Variants in KCNJ2 observed in about 807,000 individuals in gnomAD.
The protein encoded by KCNJ2 is inward rectifier potassium channel 2.
In KCNJ2, 12 loss-of-function variants were observed where a neutral mutation model predicts 28.4. That is an observed-to-expected ratio of 0.42 (90% CI 0.27 to 0.68). The LOEUF (loss-of-function observed/expected upper bound fraction) is 0.68, where lower values mean the gene tolerates loss of function less well. Among genes scored for constraint, KCNJ2 ranks in the 30% least tolerant of loss-of-function variants. The probability of loss-of-function intolerance (pLI) is 0.23; values close to 1 mark genes in which losing one functional copy is unlikely to be tolerated. For missense variants in KCNJ2, 320 were observed against 551.3 expected, an observed-to-expected ratio of 0.58 and a Z score of 4.20; for synonymous variants, 200 against 203.2, an observed-to-expected ratio of 0.98 and a Z score of 0.13.
rs1006599482 is a variant in KCNJ2, at chr17:70,176,809, T to C, written c.*486T>C. ...GTTGAATTTTATTGAAAGCTCATGA[T>C]GCGCTTCAAAGTGGCAAGTATTTGG... On this transcript the variant is annotated 3_prime_UTR_variant, in exon 2 of 2. Coordinates refer to ENST00000243457, the MANE Select transcript of KCNJ2 (RefSeq NM_000891.3). 1.1e-5 allele frequency: 2 copies of C among 187,854 alleles called. No individual in the cohort carries two copies. The highest frequency in any genetic ancestry group is 4.8e-5 in the African/African-American group (2 of 41,656). The allele number at this position is 187,854 out of a possible 1,614,324, so 11.6% of individuals were successfully genotyped here. A position where few individuals can be genotyped will look rare whatever the true frequency, so the allele number is the denominator to read the frequency against.
rs972207222 is a variant in KCNJ2 at position 70,178,351 on chromosome 17, T to G, written c.*2028T>G. The G allele has an allele frequency of 6.0e-6, 1 of 167,040 alleles. No individual in the cohort carries two copies. The highest frequency in any genetic ancestry group is 2.4e-5 in the African/African-American group (1 of 41,432). 10.3% of individuals were successfully genotyped at this position (167,040 alleles called of 1,614,324 possible). Reference sequence around the variant, plus strand: ...AGAGATGTTAAGCAAGTGGTTGTTTTAGATCCAAATGTAAAGGCAGGTTTG... The same window carrying G: ...AGAGATGTTAAGCAAGTGGTTGTTTGAGATCCAAATGTAAAGGCAGGTTTG... On this transcript the variant is annotated 3_prime_UTR_variant, in exon 2 of 2. Transcript: ENST00000243457.
chr17:70,174,722 T>C (rs2074381956), intron 1 of KCNJ2, 102 bp from the exon 2 acceptor site: 1 of 395,806 alleles, frequency 2.5e-6, no homozygotes, highest in Non-Finnish European at 4.8e-6. Context: ...ATTATACTTA[T>C]CTTTACCTGA....
rs1204119107 is a variant in KCNJ2, at chr17:70,177,818, A to C, written c.*1495A>C. The C allele has an allele frequency of 1.2e-5, 2 of 167,084 alleles. No individual in the cohort carries two copies. The highest frequency in any genetic ancestry group is 2.9e-5 in the Non-Finnish European group (2 of 68,124). 10.4% of individuals were successfully genotyped at this position (167,084 alleles called of 1,614,324 possible). A position where few individuals can be genotyped will look rare whatever the true frequency, so the allele number is the denominator to read the frequency against. On this transcript the variant is annotated 3_prime_UTR_variant, in exon 2 of 2. Coordinates refer to ENST00000243457, the MANE Select transcript of KCNJ2 (RefSeq NM_000891.3). Reference sequence around the variant, plus strand: ...AGCCATAAAAATATAACATAATCACAAGTAAAGGAGATAATGGTCTAAAAC... The same window carrying C: ...AGCCATAAAAATATAACATAATCACCAGTAAAGGAGATAATGGTCTAAAAC...
rs1598212099 is a variant in KCNJ2, at chr17:70,177,205, G to A, written c.*882G>A. 6.0e-6 allele frequency: 1 copy of A among 166,936 alleles called. No homozygotes were observed. The highest frequency in any genetic ancestry group is 2.4e-5 in the African/African-American group (1 of 41,396). The allele number at this position is 166,936 out of a possible 1,614,324, so 10.3% of individuals were successfully genotyped here. A position where few individuals can be genotyped will look rare whatever the true frequency, so the allele number is the denominator to read the frequency against. On this transcript the variant is annotated 3_prime_UTR_variant, in exon 2 of 2. Coordinates refer to ENST00000243457, the MANE Select transcript of KCNJ2 (RefSeq NM_000891.3). ...GAAAATAGAGCATCATACTCACCGA[G>A]TCTAGTCAGTGTAGTGCTTTTAAAA... is the stretch of plus-strand genomic sequence containing the variant.
intron 1 of KCNJ2, among the ~76,000 whole-genome samples, chr17:70,170,738 C>T (rs188463935): frequency 9.9e-4 from 150 of 152,262 alleles, no homozygotes; most frequent in Non-Finnish European, 8.8e-5. Context: ...CACTTGTTAG[C>T]GTTTTCCTGC....
rs2074393488 is a variant in KCNJ2, at chr17:70,176,370, T to C, written c.*47T>C. On this transcript the variant is annotated 3_prime_UTR_variant, in exon 2 of 2. Transcript: ENST00000243457. ...ATAGTTACTTTACAACACGGTCTGT[T>C]GGTCAGAGGCCCAAAACAGTTATAC... is the stretch of plus-strand genomic sequence containing the variant. 2 of 1,565,878 alleles carry C rather than the reference T, an allele frequency of 1.3e-6. No homozygotes were observed. The highest frequency in any genetic ancestry group is 1.1e-5 in the South Asian group (1 of 90,104).
At chr17:70,173,341 A>G (rs1481272388) in intron 1 of KCNJ2, among the ~76,000 whole-genome samples, 1 of 152,174 alleles carries the variant, frequency 6.6e-6, no homozygotes, top group African/African-American at 2.4e-5. Context: ...GAGAAGGAAA[A>G]AGTGGAGTCT....
Position 70,173,420 on chromosome 17 carries a change from A to G in KCNJ2, c.-216-1404A>G, listed in dbSNP as rs570355095. ...ATTCATTGCCCCCCTTTAATATAGC[A>G]GAAGGATTTGGTTGTATGAAAAGTT... On this transcript the variant is annotated intron_variant, in intron 1 of 1. Transcript: ENST00000243457. 3.3e-5 allele frequency among the ~76,000 whole-genome samples: 5 copies of G among 152,286 alleles called. No homozygotes were observed. The East Asian group carries it at 9.7e-4, about 29-fold the overall frequency.
In KCNJ2 at chr17:70,172,599, T is replaced by C. The variant is rs531491180; in HGVS notation, c.-216-2225T>C. ...GTCTTTAGATTTCATATGGTTGTTA[T>C]GTTTTAATCTGGAAGGAGTACAGAA... On this transcript the variant is annotated intron_variant, in intron 1 of 1. Coordinates refer to ENST00000243457, the MANE Select transcript of KCNJ2 (RefSeq NM_000891.3). Among the ~76,000 whole-genome samples the C allele has an allele frequency of 1.8e-4, 28 of 152,348 alleles. No individual in the cohort carries two copies. In the South Asian group the frequency reaches 5.6e-3, roughly 30 times the overall value.
Position 70,176,294 on chromosome 17 carries a change from A to G in KCNJ2, c.1255A>G (p.Arg419Gly). ...HNQASVPLEP[R>G]PLRRESEI Reference sequence around the variant, plus strand: ...CCAGGCAAGTGTACCTCTAGAGCCCAGGCCCTTACGGCGAGAGTCGGAGAT... The same window carrying G: ...CCAGGCAAGTGTACCTCTAGAGCCCGGGCCCTTACGGCGAGAGTCGGAGAT... Residue 419 changes from arginine (R) to glycine (G), a missense_variant, in exon 2 of 2, where the codon AGG (arginine) becomes GGG (glycine). By Grantham distance (125) the Arg-to-Gly change is moderately radical (BLOSUM62 -2). Around this residue, in one of 3 missense-constraint regions of KCNJ2, gnomAD observed 155 missense variants for 231.6 expected, o/e 0.67. Coordinates refer to ENST00000243457, the MANE Select transcript of KCNJ2 (RefSeq NM_000891.3). 6.2e-7 allele frequency: 1 copy of G among 1,614,156 alleles called. No individual in the cohort carries two copies. Among genetic ancestry groups the G allele is most frequent in the South Asian group, 1.1e-5 (1 of 91,082 alleles).
intron 1 of KCNJ2, among the ~76,000 whole-genome samples, chr17:70,170,349 T>G (rs2074358705): frequency 6.6e-6 from 1 of 152,190 alleles, no homozygotes; most frequent in Non-Finnish European, 1.5e-5. Context: ...ATAATGGTAT[T>G]AATACCTGGC....
intron 1 of KCNJ2, among the ~76,000 whole-genome samples, chr17:70,172,607 T>C (rs1471570269): frequency 2.6e-5 from 4 of 152,210 alleles, no homozygotes; most frequent in Non-Finnish European, 4.4e-5. Context: ...TATGTTTTAA[T>C]CTGGAAGGAG....
Position 70,176,130 on chromosome 17 carries a change from A to G in KCNJ2, c.1091A>G (p.Lys364Arg), listed in dbSNP as rs1060500054. 6.2e-7 allele frequency: 1 copy of G among 1,614,032 alleles called. No individual in the cohort carries two copies. Among genetic ancestry groups the G allele is most frequent in the Non-Finnish European group, 8.5e-7 (1 of 1,180,010 alleles). The change falls in exon 2 of 2, where the codon AAG becomes AGG. Residue 364 changes from lysine (K) to arginine (R), a missense_variant. By Grantham distance (26) the Lys-to-Arg change is conservative (BLOSUM62 2). Transcript: ENST00000243457. ...PLCSARDLAE[K>R]KYILSNANSF... ...TGTAGTGCCAGAGACTTAGCAGAAA[A>G]GAAATATATCCTCTCAAATGCAAAT...
chr17:70,171,180 G>C (rs1453466252), intron 1 of KCNJ2, among the ~76,000 whole-genome samples: 1 of 152,206 alleles, frequency 6.6e-6, no homozygotes, highest in South Asian at 2.1e-4. Context: ...ATGCTGAGCA[G>C]TGCTACAAGC....
chr17:70,172,244 C>T (rs1003171539), intron 1 of KCNJ2, among the ~76,000 whole-genome samples: 37 of 140,534 alleles, frequency 2.6e-4, no homozygotes, highest in African/African-American at 9.5e-4. Context: ...TATGTGTGTG[C>T]ACCTGCATAC....
rs895505794 is a variant in KCNJ2 at position 70,175,907 on chromosome 17, G to A, written c.868G>A (p.Ala290Thr). ...YDLSKQDIDN[A>T]DFEIVVILEG... The stretch of plus-strand genomic sequence containing the variant: ...TTTGAGTAAACAGGACATTGACAAC[G>A]CAGACTTTGAAATCGTGGTCATACT... The change falls in exon 2 of 2, where the codon GCA becomes ACA. Residue 290 changes from alanine to threonine, a missense_variant. Transcript: ENST00000243457. The surrounding 1 kb of genome is among the most constrained non-coding windows in gnomAD (Gnocchi z 8.3). 5.0e-6 allele frequency: 8 copies of A among 1,614,100 alleles called. No homozygotes were observed. The highest frequency in any genetic ancestry group is 5.1e-6 in the Non-Finnish European group (6 of 1,180,028).
In KCNJ2 at chr17:70,176,362, C is replaced by T. The variant is rs1196218333; in HGVS notation, c.*39C>T. 21 of 1,586,076 alleles carry T rather than the reference C, an allele frequency of 1.3e-5. No homozygotes were observed. Among genetic ancestry groups the T allele is most frequent in the South Asian group, 5.5e-5 (5 of 90,552 alleles). On this transcript the variant is annotated 3_prime_UTR_variant, in exon 2 of 2. Coordinates refer to ENST00000243457, the MANE Select transcript of KCNJ2 (RefSeq NM_000891.3). ...TCTCTGGAATAGTTACTTTACAACA[C>T]GGTCTGTTGGTCAGAGGCCCAAAAC... is the stretch of plus-strand genomic sequence containing the variant.
chr17:70,173,606 T>C (rs2074375952), intron 1 of KCNJ2, among the ~76,000 whole-genome samples: 1 of 152,226 alleles, frequency 6.6e-6, no homozygotes, highest in Non-Finnish European at 1.5e-5. Flanking sequence ...AGATAGTTCT[T>C]AGCTAGGGAA....
rs35656864 is a variant in KCNJ2, at chr17:70,179,064, A to ATTTTTTTTTTTTTTTTTTTTTTT, written c.*2753_*2775dup. On this transcript the variant is annotated 3_prime_UTR_variant, in exon 2 of 2. Coordinates refer to ENST00000243457, the MANE Select transcript of KCNJ2 (RefSeq NM_000891.3). The stretch of plus-strand genomic sequence containing the variant: ...TAACAGTTACAAGCTTTAAATGGCA[A>ATTTTTTTTTTTTTTTTTTTTTTT]TTTTTTTTTTTTTTTTTTTTTTTTT... 3.0e-5 allele frequency: 2 copies of ATTTTTTTTTTTTTTTTTTTTTTT among 67,262 alleles called. No individual in the cohort carries two copies. Among genetic ancestry groups the ATTTTTTTTTTTTTTTTTTTTTTT allele is most frequent in the Non-Finnish European group, 6.6e-5 (2 of 30,306 alleles). The allele number at this position is 67,262 out of a possible 1,614,324, so 4.2% of individuals were successfully genotyped here. A position where few individuals can be genotyped will look rare whatever the true frequency, so the allele number is the denominator to read the frequency against.
Sources: allele counts gnomAD v4.1 joint callset (sites outside exome capture counted in the v4.1 genomes callset), GRCh38; gene constraint gnomAD v4.1.1; regional missense constraint gnomAD v4.1.1; non-coding constraint Gnocchi (gnomAD v3.1); transcripts MANE v1.5; gene names NCBI Gene and HGNC (gene_info 2026-07-23, HGNC 2026-07-21).